The following TMTC1 variants were observed in gnomAD, a reference collection of about 807,000 sequenced individuals.
TMTC1 encodes the protein transmembrane O-mannosyltransferase targeting cadherins 1.
A neutral mutation model predicts 104.8 loss-of-function variants in TMTC1; 73 were observed. That is an observed-to-expected ratio of 0.70 (90% CI 0.58 to 0.85). The LOEUF (loss-of-function observed/expected upper bound fraction) is 0.85. Among genes scored for constraint, TMTC1 ranks in the 40% least tolerant of loss-of-function variants. TMTC1 has a pLI of 0.00. For missense variants in TMTC1, 1,035 were observed against 1,096.1 expected (o/e 0.94, Z 0.79); for synonymous variants, 434 against 428.7 (o/e 1.01, Z -0.15).
At chr12:29,584,005 G>A (rs1221853332) in intron 7 of TMTC1, among the ~76,000 whole-genome samples, 1 of 152,150 alleles carries the variant, frequency 6.6e-6, no homozygotes, top group African/African-American at 2.4e-5. Context: ...CAGCTTTGTA[G>A]GGAGAGTGTC....
At chr12:29,724,820 A>C (rs1320201087) in intron 5 of TMTC1, among the ~76,000 whole-genome samples, 1 of 152,184 alleles carries the variant, frequency 6.6e-6, no homozygotes, top group African/African-American at 2.4e-5. Context: ...CACCCAATAC[A>C]CAAGGATCTT....
At chr12:29,754,525 T>C (rs1392175235) in intron 4 of TMTC1, among the ~76,000 whole-genome samples, 1 of 152,086 alleles carries the variant, frequency 6.6e-6, no homozygotes, top group Non-Finnish European at 1.5e-5. Context: ...TGAGACAAGG[T>C]AGATGCAAGA....
At chr12:29,513,448 A>G (rs1252663172) in intron 16 of TMTC1, among the ~76,000 whole-genome samples, 1 of 152,174 alleles carries the variant, frequency 6.6e-6, no homozygotes, top group Non-Finnish European at 1.5e-5. Flanking sequence ...AGAAAATCCT[A>G]CAAATTCTGA....
intron 11 of TMTC1, chr12:29,535,818 A>G (rs1374276382): frequency 5.2e-6 from 1 of 191,756 alleles, no homozygotes; most frequent in African/African-American, 2.4e-5. Flanking sequence ...ATTCTAACAG[A>G]TGTTAAAACA....
chr12:29,604,395 G>T lies in TMTC1; in HGVS notation c.1129-96C>A. 2.6e-6 allele frequency: 4 copies of T among 1,526,552 alleles called. No individual in the cohort carries two copies. In the South Asian group the frequency reaches 4.7e-5, roughly 18 times the overall value. 94.6% of individuals were successfully genotyped at this position (1,526,552 alleles called of 1,614,324 possible). A position where few individuals can be genotyped will look rare whatever the true frequency, so the allele number is the denominator to read the frequency against. On this transcript the variant is annotated intron_variant, in intron 6 of 17. Transcript: ENST00000539277. ...CCTTCACTTTCAGGTTCTCAATGAA[G>T]AAATGAATAAATTAGACCAATATAA...
At chr12:29,513,701 A>G (rs1225283445) in intron 16 of TMTC1, among the ~76,000 whole-genome samples, 1 of 152,178 alleles carries the variant, frequency 6.6e-6, no homozygotes, top group African/African-American at 2.4e-5. Flanking sequence ...TTCTATTTCT[A>G]CTTATGTCTT....
At chr12:29,760,444 C>T (rs1399361109) in intron 2 of TMTC1, among the ~76,000 whole-genome samples, 1 of 152,052 alleles carries the variant, frequency 6.6e-6, no homozygotes, top group Non-Finnish European at 1.5e-5. Flanking sequence ...AAACCTAGGG[C>T]ATGAAAGTTT....
chr12:29,734,415 C>T (rs1942619748), intron 5 of TMTC1, among the ~76,000 whole-genome samples: 1 of 152,182 alleles, frequency 6.6e-6, no homozygotes. Context: ...CTGACCCTTC[C>T]CGGATACCAG....
intron 5 of TMTC1, among the ~76,000 whole-genome samples, chr12:29,730,942 T>C (rs1021510703): frequency 2.6e-5 from 4 of 152,242 alleles, no homozygotes; most frequent in African/African-American, 9.6e-5. Flanking sequence ...TCACAGCAGG[T>C]TCCCTTGCAA....
intron 5 of TMTC1, among the ~76,000 whole-genome samples, chr12:29,687,055 T>C (rs1276437836): frequency 6.6e-6 from 1 of 152,196 alleles, no homozygotes; most frequent in Non-Finnish European, 1.5e-5. Flanking sequence ...TAAGAGATAT[T>C]GGGATTAGAA....
chr12:29,657,083 C>T (rs529734487), intron 5 of TMTC1, among the ~76,000 whole-genome samples: 10 of 152,220 alleles, frequency 6.6e-5, no homozygotes, highest in East Asian at 5.8e-4. Context: ...CCTTTTTAAC[C>T]GTACATCTTA....
intron 10 of TMTC1, among the ~76,000 whole-genome samples, chr12:29,543,786 C>A (rs2136222639): frequency 6.6e-6 from 1 of 152,250 alleles, no homozygotes; most frequent in South Asian, 2.1e-4. Flanking sequence ...TTCTATGTAG[C>A]TTCCTTTAGA....
At chr12:29,612,641 C>T (rs1490381316) in intron 6 of TMTC1, among the ~76,000 whole-genome samples, 9 of 152,136 alleles carry the variant, frequency 5.9e-5, no homozygotes, top group Non-Finnish European at 1.2e-4. Context: ...TCTTGAACTC[C>T]TGAACTCAAG....
chr12:29,631,688 T>C (rs1639182772), intron 6 of TMTC1, among the ~76,000 whole-genome samples: 1 of 152,238 alleles, frequency 6.6e-6, no homozygotes, highest in African/African-American at 2.4e-5. Context: ...CCACACATTG[T>C]AGGGACCCTG....
intron 5 of TMTC1, among the ~76,000 whole-genome samples, chr12:29,694,769 G>A (rs111866485): frequency 0.056 from 8,543 of 152,042 alleles, 332 homozygotes; most frequent in African/African-American, 0.11. Flanking sequence ...GTGAAACACC[G>A]TCTCTACTAA....
intron 5 of TMTC1, among the ~76,000 whole-genome samples, chr12:29,692,714 G>A (rs1292607688): frequency 6.9e-6 from 1 of 144,984 alleles, no homozygotes; most frequent in African/African-American, 2.5e-5. Context: ...TATTATTCAC[G>A]ACAGCCCCAA....
chr12:29,571,427 T>C (rs2766602), intron 9 of TMTC1, among the ~76,000 whole-genome samples: 89,449 of 151,508 alleles, frequency 0.59, 27,457 homozygotes, highest in Non-Finnish European at 0.67. Context: ...TACTTCCGAC[T>C]GGCTAGTTGG....
Position 29,751,848 on chromosome 12 carries a change from G to T in TMTC1, c.756C>A (p.Arg252=). 1 of 1,584,988 alleles carries T rather than the reference G, an allele frequency of 6.3e-7. No homozygotes were observed. Among genetic ancestry groups the T allele is most frequent in the Non-Finnish European group, 8.6e-7 (1 of 1,165,466 alleles). The part of the protein sequence containing the change: ...DKSSNGALCP[R]SPQQPGSPQP... ...GGGGGCTCCCGGGCTGCTGTGGGCTGCGTGGACAGAGGGCCCCATTGCTCC... is the reference window on the plus strand; with the variant it reads ...GGGGGCTCCCGGGCTGCTGTGGGCTTCGTGGACAGAGGGCCCCATTGCTCC... Residue 252 remains arginine, a synonymous_variant, in exon 5 of 18, where the codon CGC becomes CGA. Coordinates refer to ENST00000539277, the MANE Select transcript of TMTC1 (RefSeq NM_001193451.2).
chr12:29,513,130 T>C lies in TMTC1; in HGVS notation c.2431-1010A>G, dbSNP rs944106727. ...GTGTAGGAGACCTGGATTCAAACCC[T>C]GACACCGTCTCTTACCCACTTCTGT... On this transcript the variant is annotated intron_variant, in intron 16 of 17. Coordinates refer to ENST00000539277, the MANE Select transcript of TMTC1 (RefSeq NM_001193451.2). Among the ~76,000 whole-genome samples, 4 of 152,184 alleles carry C rather than the reference T, an allele frequency of 2.6e-5. No homozygotes were observed. The South Asian group carries it at 8.3e-4, about 31-fold the overall frequency.
Sources: gnomAD v4.1 joint callset for allele counts (sites outside exome capture counted in the v4.1 genomes callset) on GRCh38, gnomAD v4.1.1 for gene constraint, MANE v1.5 for transcripts, NCBI Gene and HGNC (gene_info 2026-07-23, HGNC 2026-07-21) for gene names.